BACH2: variants seen among roughly 807,000 people sequenced by gnomAD.
BACH2 encodes transcription regulator protein BACH2.
A neutral mutation model predicts 61.8 loss-of-function variants in BACH2; 5 were observed. The ratio of observed to expected loss-of-function variants is 0.08; its 90% confidence interval spans 0.04 to 0.17. BACH2 has a LOEUF of 0.17. Among genes scored for constraint, BACH2 ranks in the 10% least tolerant of loss-of-function variants. The pLI, the probability that BACH2 is intolerant of heterozygous loss-of-function variation, is 1.00. For synonymous variants in BACH2, 446 were observed against 440.1 expected (o/e 1.01, Z -0.17); for missense variants, 824 against 1,091.1 (o/e 0.76, Z 3.45).
At chr6:90,001,844 C>T (rs1777148638) in intron 6 of BACH2, among the ~76,000 whole-genome samples, 1 of 152,182 alleles carries the variant, frequency 6.6e-6, no homozygotes. Flanking sequence ...GTAATCTTCA[C>T]CACAGAGTAC....
At chr6:89,943,527 AATG>A (rs1461680835) in intron 7 of BACH2, among the ~76,000 whole-genome samples, 1 of 152,144 alleles carries the variant, frequency 6.6e-6, no homozygotes, top group Non-Finnish European at 1.5e-5. Context: ...CTCATCCCCA[AATG>A]ATGACTCTCT....
chr6:90,039,384 C>T (rs1779415928), intron 5 of BACH2, among the ~76,000 whole-genome samples: 1 of 152,052 alleles, frequency 6.6e-6, no homozygotes, highest in Non-Finnish European at 1.5e-5. Flanking sequence ...CAGCAATGTA[C>T]AAGAGTACTT....
At chr6:90,090,344 G>A (rs1262985932) in intron 4 of BACH2, among the ~76,000 whole-genome samples, 2 of 151,804 alleles carry the variant, frequency 1.3e-5, no homozygotes, top group South Asian at 2.1e-4. Flanking sequence ...ATTTTCTTAC[G>A]CAGGTTCCCA....
intron 4 of BACH2, among the ~76,000 whole-genome samples, chr6:90,158,231 A>C (rs1785061022): frequency 1.3e-5 from 2 of 152,192 alleles, no homozygotes; most frequent in African/African-American, 4.8e-5. Context: ...TATACAACAG[A>C]AGATAAGATT....
At chr6:90,050,963 G>A (rs1445169044) in intron 5 of BACH2, among the ~76,000 whole-genome samples, 1 of 151,684 alleles carries the variant, frequency 6.6e-6, no homozygotes, top group Non-Finnish European at 1.5e-5. Flanking sequence ...GTAGAGATGG[G>A]GTTTCACCAT....
At chr6:89,945,133 A>G (rs1480602936) in intron 7 of BACH2, among the ~76,000 whole-genome samples, 1 of 152,216 alleles carries the variant, frequency 6.6e-6, no homozygotes, top group Non-Finnish European at 1.5e-5. Context: ...AAGGTTAAAT[A>G]CAAAGTTATA....
At chr6:90,033,412 C>G (rs1779110604) in intron 5 of BACH2, among the ~76,000 whole-genome samples, 1 of 151,016 alleles carries the variant, frequency 6.6e-6, no homozygotes, top group South Asian at 2.1e-4. Context: ...AACTTTTCCT[C>G]ACGCACAGGA....
At chr6:90,050,770 G>A (rs951746263) in intron 5 of BACH2, among the ~76,000 whole-genome samples, 1 of 139,204 alleles carries the variant, frequency 7.2e-6, no homozygotes, top group African/African-American at 2.6e-5. Flanking sequence ...TGGGGTTCTC[G>A]GTAATTTTTT....
chr6:90,064,101 A>T (rs1780823538), intron 5 of BACH2, among the ~76,000 whole-genome samples: 1 of 152,226 alleles, frequency 6.6e-6, no homozygotes, highest in Non-Finnish European at 1.5e-5. Context: ...GAAAATGAAT[A>T]AGATTGGGTC....
intron 6 of BACH2, among the ~76,000 whole-genome samples, chr6:89,983,459 A>G (rs995561837): frequency 6.6e-6 from 1 of 152,218 alleles, no homozygotes; most frequent in Non-Finnish European, 1.5e-5. Context: ...ACCTGAGGTC[A>G]GGAGTTCGAG....
chr6:90,036,645 T>A (rs893136536), intron 5 of BACH2, among the ~76,000 whole-genome samples: 1 of 152,192 alleles, frequency 6.6e-6, no homozygotes, highest in African/African-American at 2.4e-5. Context: ...ACTGCAGAAA[T>A]CAGCACACTT....
intron 1 of BACH2, among the ~76,000 whole-genome samples, 170 bp downstream of exon 1, chr6:90,296,310 T>G (rs1772384375): frequency 1.3e-5 from 2 of 150,930 alleles, no homozygotes; most frequent in South Asian, 2.1e-4. Context: ...GAAAATGCCA[T>G]AAAAGCGGGC....
At chr6:90,098,957 G>C (rs780255959) in intron 4 of BACH2, among the ~76,000 whole-genome samples, 4 of 152,166 alleles carry the variant, frequency 2.6e-5, no homozygotes, top group Non-Finnish European at 5.9e-5. Flanking sequence ...GTTAGGTTTT[G>C]CTTTTCAATT....
chr6:90,104,643 G>A (rs1175480709), intron 4 of BACH2, among the ~76,000 whole-genome samples: 4 of 152,186 alleles, frequency 2.6e-5, no homozygotes, highest in Non-Finnish European at 5.9e-5. Flanking sequence ...GGTTCCAAGT[G>A]AGCTCCCAGG....
intron 1 of BACH2, among the ~76,000 whole-genome samples, chr6:90,296,015 G>A (rs568171191): frequency 2.0e-5 from 3 of 152,168 alleles, no homozygotes; most frequent in African/African-American, 4.8e-5. Context: ...CCGGCCTGGA[G>A]CTGGGATCGC....
At chr6:90,060,883 A>T (rs1348488869) in intron 5 of BACH2, among the ~76,000 whole-genome samples, 1 of 152,188 alleles carries the variant, frequency 6.6e-6, no homozygotes, top group East Asian at 1.9e-4. Flanking sequence ...ACCGTCACAC[A>T]CAAACACAAG....
At chr6:90,103,018 TATA>T (rs1782728391) in intron 4 of BACH2, among the ~76,000 whole-genome samples, 3 of 39,166 alleles carry the variant, frequency 7.7e-5, no homozygotes, top group African/African-American at 2.9e-4. Flanking sequence ...TATATATATA[TATA>T]TATATATATT....
Position 90,093,286 on chromosome 6 carries a change from G to A in BACH2, c.-161-4177C>T, listed in dbSNP as rs78733541. ...CCACTGAGGGCCAACCACCTTGCTTGGCTAAGTTCCTACAGCATGGGGGGA... is the reference window on the plus strand; with the variant it reads ...CCACTGAGGGCCAACCACCTTGCTTAGCTAAGTTCCTACAGCATGGGGGGA... On this transcript the variant is annotated intron_variant, in intron 4 of 8. Coordinates refer to ENST00000257749, the MANE Select transcript of BACH2 (RefSeq NM_021813.4). 5.8e-3 allele frequency among the ~76,000 whole-genome samples: 882 copies of A among 152,216 alleles called. 52 individuals are homozygous for A. In the East Asian group the frequency reaches 0.13, roughly 23 times the overall value.
At chr6:90,247,550 G>C (rs1770678825) in intron 3 of BACH2, among the ~76,000 whole-genome samples, 1 of 151,954 alleles carries the variant, frequency 6.6e-6, no homozygotes, top group South Asian at 2.1e-4. Flanking sequence ...TTTCCTAAGG[G>C]CTACCAAACA....
Sources: allele counts gnomAD v4.1 joint callset (sites outside exome capture counted in the v4.1 genomes callset), GRCh38; gene constraint gnomAD v4.1.1; transcripts MANE v1.5; gene names NCBI Gene and HGNC (gene_info 2026-07-23, HGNC 2026-07-21).